Variants in ZNF274 observed in about 807,000 individuals in gnomAD.
ZNF274 encodes the protein neurotrophin receptor-interacting factor homolog.
A neutral mutation model predicts 42.5 loss-of-function variants in ZNF274; 23 were observed. The observed-to-expected ratio is 0.54, with a 90% CI of 0.39 to 0.77. The LOEUF (loss-of-function observed/expected upper bound fraction) is 0.77, where lower values mean the gene tolerates loss of function less well. Among genes scored for constraint, ZNF274 ranks in the 30% least tolerant of loss-of-function variants. The probability of loss-of-function intolerance (pLI) is 0.00; values close to 1 mark genes in which losing one functional copy is unlikely to be tolerated. For missense variants in ZNF274, 679 were observed against 806.5 expected (o/e 0.84, Z 1.91); for synonymous variants, 292 against 305.4 (o/e 0.96, Z 0.46).
chr19:58,204,637 C>T (rs758564780), intron 4 of ZNF274, among the ~76,000 whole-genome samples: 1 of 152,080 alleles, frequency 6.6e-6, no homozygotes, highest in Non-Finnish European at 1.5e-5. Context: ...TTCTGCTCTG[C>T]GACCGTTTTT....
Position 58,185,831 on chromosome 19 carries a change from C to G in ZNF274, c.153C>G (p.Val51=). 1 of 1,383,936 alleles carries G rather than the reference C, an allele frequency of 7.2e-7. No individual in the cohort carries two copies. The highest frequency in any genetic ancestry group is 9.5e-7 in the Non-Finnish European group (1 of 1,057,904). The allele number at this position is 1,383,936 out of a possible 1,614,324, so 85.7% of individuals were successfully genotyped here. A position where few individuals can be genotyped will look rare whatever the true frequency, so the allele number is the denominator to read the frequency against. The change falls in exon 3 of 8, where the codon GTC becomes GTG. Residue 51 remains valine, a synonymous_variant. Coordinates refer to ENST00000617501, the MANE Select transcript of ZNF274 (RefSeq NM_133502.3). ...TGCTGGAGAACTACAGGAACCTGGT[C>G]TCAGTGGGTAAGGCTGGCCTCCAGG... ...EVMLENYRNL[V]SVEHQLSKPD...
In ZNF274 at chr19:58,212,429, A is replaced by C; in HGVS notation, c.1248A>C (p.Gln416His). The C allele has an allele frequency of 6.2e-7, 1 of 1,612,818 alleles. No homozygotes were observed. ...ACAGTGGTGCTCTTGACACAAACCAAGTTTCGCTCCAGAAAATTGACAACC... is the reference window on the plus strand; with the variant it reads ...ACAGTGGTGCTCTTGACACAAACCACGTTTCGCTCCAGAAAATTGACAACC... ...QANSGALDTN[Q>H]VSLQKIDNPE... The change falls in exon 8 of 8, where the codon CAA (glutamine) becomes CAC (histidine). Residue 416 changes from glutamine (Q) to histidine (H), a missense_variant. Gln to His is a conservative substitution (Grantham distance 24). This residue lies in a region of ZNF274 where 456 missense variants were observed against 590.1 expected (regional missense o/e 0.77). Transcript: ENST00000617501. The surrounding 1 kb of genome is among the most constrained non-coding windows in gnomAD (Gnocchi z 4.6).
At chr19:58,206,675 T>C in intron 4 of ZNF274, 45 bp from the exon 5 acceptor site, 1 of 1,503,738 alleles carries the variant, frequency 6.7e-7, no homozygotes, top group Non-Finnish European at 8.9e-7. Flanking sequence ...GAGCATCTTT[T>C]CATGTGCTTG....
rs1327508744 is a variant in ZNF274, at chr19:58,212,951, C to T, written c.1770C>T (p.Pro590=). 3 of 1,613,964 alleles carry T rather than the reference C, an allele frequency of 1.9e-6. No individual in the cohort carries two copies. Among genetic ancestry groups the T allele is most frequent in the Non-Finnish European group, 2.5e-6 (3 of 1,179,864 alleles). Residue 590 remains proline (P), a synonymous_variant, in exon 8 of 8, where the codon CCC becomes CCT. Transcript: ENST00000617501. This position sits in a 1 kb window ranked among gnomAD's most constrained non-coding sequence, Gnocchi z 4.6. ...TGAGGACTCACACTGGCGCTAAGCC[C>T]TACAAGTGTCAGGACTGTGGAAAAG... ...QHLRTHTGAK[P]YKCQDCGKAF... is the part of the protein sequence containing the mutation.
In ZNF274 at chr19:58,185,785, A is replaced by G; in HGVS notation, c.107A>G (p.Lys36Arg). The change falls in exon 3 of 8, where the codon AAG becomes AGG. Residue 36 changes from lysine (K) to arginine (R), a missense_variant. Coordinates refer to ENST00000617501, the MANE Select transcript of ZNF274 (RefSeq NM_133502.3). The part of the protein sequence containing the change: ...EEWGLLDLKQ[K>R]SLYREVMLEN... ...TGGGGACTGCTGGACCTCAAACAGA[A>G]GTCCCTGTACAGGGAAGTGATGCTG... 6.9e-7 allele frequency: 1 copy of G among 1,457,246 alleles called. No homozygotes were observed. The allele number at this position is 1,457,246 out of a possible 1,614,324, so 90.3% of individuals were successfully genotyped here. A position where few individuals can be genotyped will look rare whatever the true frequency, so the allele number is the denominator to read the frequency against.
At chr19:58,202,866 TGG>T (rs1212791850) in intron 4 of ZNF274, among the ~76,000 whole-genome samples, 1 of 152,190 alleles carries the variant, frequency 6.6e-6, no homozygotes, top group Non-Finnish European at 1.5e-5. Context: ...CTGTTCACTG[TGG>T]TGTCCTTGGT....
intron 6 of ZNF274, chr19:58,210,520 G>T (rs1434706590): frequency 6.2e-6 from 1 of 160,516 alleles, no homozygotes; most frequent in Non-Finnish European, 1.4e-5. Flanking sequence ...GCTGACCACT[G>T]GGGTAGTGGT....
intron 4 of ZNF274, among the ~76,000 whole-genome samples, chr19:58,204,625 T>C (rs2075960385): frequency 6.6e-6 from 1 of 152,142 alleles, no homozygotes. Context: ...ACACTAGTAA[T>C]TTTCTGCTCT....
chr19:58,211,454 C>A lies in ZNF274; in HGVS notation c.853-106C>A. 2 of 1,436,384 alleles carry A rather than the reference C, an allele frequency of 1.4e-6. No homozygotes were observed. Among genetic ancestry groups the A allele is most frequent in the Non-Finnish European group, 1.9e-6 (2 of 1,067,166 alleles). 89.0% of individuals were successfully genotyped at this position (1,436,384 alleles called of 1,614,324 possible). A position where few individuals can be genotyped will look rare whatever the true frequency, so the allele number is the denominator to read the frequency against. ...GCAAATCCCCAAAGCAGGAGAGTCC[C>A]TAGCACCGTGAGCTCTGTCAGAACC... On this transcript the variant is annotated intron_variant, in intron 6 of 7. Transcript: ENST00000617501. This position sits in a 1 kb window ranked among gnomAD's most constrained non-coding sequence, Gnocchi z 4.8.
At position 58,213,007 on chromosome 19, in the gene ZNF274, A is replaced by T. The variant is rs747956328; in HGVS notation, c.1826A>T (p.His609Leu). ...CGCCAGAGCTCCCACCTCATCAGACATCAGAGGACTCACACCGGGGAGCGC... is the reference window on the plus strand; with the variant it reads ...CGCCAGAGCTCCCACCTCATCAGACTTCAGAGGACTCACACCGGGGAGCGC... The part of the protein sequence containing the change: ...AFRQSSHLIR[H>L]QRTHTGERPY... The change falls in exon 8 of 8, where the codon CAT (histidine) becomes CTT (leucine). Residue 609 changes from histidine to leucine, a missense_variant. This residue lies in a region of ZNF274 where 456 missense variants were observed against 590.1 expected (regional missense o/e 0.77). Transcript: ENST00000617501. 1 of 1,614,018 alleles carries T rather than the reference A, an allele frequency of 6.2e-7. No homozygotes were observed. The highest frequency in any genetic ancestry group is 8.5e-7 in the Non-Finnish European group (1 of 1,179,882).
intron 4 of ZNF274, among the ~76,000 whole-genome samples, chr19:58,196,227 G>T (rs1355718126): frequency 6.6e-6 from 1 of 152,162 alleles, no homozygotes; most frequent in African/African-American, 2.4e-5. Context: ...TCATGATTTA[G>T]GAAACCCTGC....
chr19:58,201,213 T>C (rs1361057964), intron 4 of ZNF274, among the ~76,000 whole-genome samples: 2 of 147,054 alleles, frequency 1.4e-5, no homozygotes, highest in Non-Finnish European at 3.0e-5. Context: ...GGTTTTGCCA[T>C]GTTGCCCAGG....
rs1375047058 is a variant in ZNF274 at position 58,211,724 on chromosome 19, G to A, written c.979+38G>A. The A allele has an allele frequency of 6.3e-7, 1 of 1,584,412 alleles. No homozygotes were observed. The highest frequency in any genetic ancestry group is 8.6e-7 in the Non-Finnish European group (1 of 1,162,512). ...CCCCTCTTCACCCACCTCAGGGCTG[G>A]TAGGCCACAGGAGCCCCAAGTCAGG... is the stretch of plus-strand genomic sequence containing the variant. On this transcript the variant is annotated intron_variant, in intron 7 of 7. Transcript: ENST00000617501. This position sits in a 1 kb window ranked among gnomAD's most constrained non-coding sequence, Gnocchi z 4.8.
Position 58,211,730 on chromosome 19 carries a change from C to A in ZNF274, c.979+44C>A. On this transcript the variant is annotated intron_variant, in intron 7 of 7. Coordinates refer to ENST00000617501, the MANE Select transcript of ZNF274 (RefSeq NM_133502.3). The surrounding 1 kb of genome is among the most constrained non-coding windows in gnomAD (Gnocchi z 4.8). The stretch of plus-strand genomic sequence containing the variant: ...TTCACCCACCTCAGGGCTGGTAGGC[C>A]ACAGGAGCCCCAAGTCAGGGGTGTT... 6.3e-7 allele frequency: 1 copy of A among 1,577,202 alleles called. No individual in the cohort carries two copies.
At chr19:58,192,458 A>G (rs1292979583) in intron 4 of ZNF274, among the ~76,000 whole-genome samples, 1 of 152,198 alleles carries the variant, frequency 6.6e-6, no homozygotes, top group Non-Finnish European at 1.5e-5. Context: ...GGGATGAAAG[A>G]ACAAGCCATC....
rs1402607699 is a variant in ZNF274, at chr19:58,212,861, G to A, written c.1680G>A (p.Glu560=). 1 of 1,614,042 alleles carries A rather than the reference G, an allele frequency of 6.2e-7. No homozygotes were observed. The highest frequency in any genetic ancestry group is 1.7e-5 in the Admixed American group (1 of 60,026). Residue 560 remains glutamate (E), a synonymous_variant, in exon 8 of 8, where the codon GAG becomes GAA. Coordinates refer to ENST00000617501, the MANE Select transcript of ZNF274 (RefSeq NM_133502.3). The surrounding 1 kb of genome is among the most constrained non-coding windows in gnomAD (Gnocchi z 4.6). ...AGCATCAGAGAGTTCATTCTGGAGA[G>A]AGACCATTTGAATGTCAGGAGTGTG... is the stretch of plus-strand genomic sequence containing the variant. The part of the protein sequence containing the change: ...LTQHQRVHSG[E]RPFECQECGR...
chr19:58,209,911 C>G (rs1254008517), intron 5 of ZNF274, 50 bp from the exon 6 acceptor site: 1 of 1,441,394 alleles, frequency 6.9e-7, no homozygotes, highest in African/African-American at 1.4e-5. Flanking sequence ...CTTGCCCTGC[C>G]TAAGGGTCCC....
chr19:58,186,147 A>C (rs1277085403), intron 3 of ZNF274: 1 of 174,506 alleles, frequency 5.7e-6, no homozygotes, highest in Non-Finnish European at 1.2e-5. Context: ...GTTTGAGACC[A>C]GCATGGGCAA....
intron 4 of ZNF274, among the ~76,000 whole-genome samples, chr19:58,204,866 G>C (rs886132456): frequency 3.9e-5 from 6 of 152,170 alleles, no homozygotes; most frequent in African/African-American, 1.4e-4. Context: ...ATAGTAGGGA[G>C]CCAGCCACGG....
Sources: allele counts gnomAD v4.1 joint callset (sites outside exome capture counted in the v4.1 genomes callset), GRCh38; gene constraint gnomAD v4.1.1; regional missense constraint gnomAD v4.1.1; non-coding constraint Gnocchi (gnomAD v3.1); transcripts MANE v1.5; gene names NCBI Gene and HGNC (gene_info 2026-07-23, HGNC 2026-07-21).